KIAA0319: variants seen among roughly 807,000 people sequenced by gnomAD.
KIAA0319 encodes KIAA0319.
A neutral mutation model predicts 108.4 loss-of-function variants in KIAA0319; 83 were observed. The observed-to-expected ratio is 0.77, with a 90% CI of 0.64 to 0.92. The LOEUF (loss-of-function observed/expected upper bound fraction) is 0.92, where lower values mean the gene tolerates loss of function less well. Among genes scored for constraint, KIAA0319 ranks in the 40% least tolerant of loss-of-function variants. The pLI, the probability that KIAA0319 is intolerant of heterozygous loss-of-function variation, is 0.00. For synonymous variants in KIAA0319, 484 were observed against 510.4 expected (o/e 0.95, Z 0.70); for missense variants, 1,195 against 1,322.4 (o/e 0.90, Z 1.49).
chr6:24,608,478 G>C (rs1207884567), intron 1 of KIAA0319, among the ~76,000 whole-genome samples: 2 of 152,134 alleles, frequency 1.3e-5, no homozygotes, highest in East Asian at 3.9e-4. Flanking sequence ...TTTGAAAAAT[G>C]AGATAATTGA....
At chr6:24,604,784 T>C (rs1419533178) in intron 1 of KIAA0319, among the ~76,000 whole-genome samples, 3 of 152,178 alleles carry the variant, frequency 2.0e-5, no homozygotes, top group Non-Finnish European at 4.4e-5. Context: ...ATGGACTAGA[T>C]GTTATCAAAA....
intron 2 of KIAA0319, chr6:24,598,613 C>T (rs1316010121): frequency 4.0e-5 from 14 of 345,868 alleles, no homozygotes; most frequent in Non-Finnish European, 7.9e-5. Context: ...CGGTGGCTCA[C>T]ATCTGTAATC....
intron 20 of KIAA0319, among the ~76,000 whole-genome samples, chr6:24,548,032 C>T (rs767305728): frequency 1.1e-4 from 17 of 151,302 alleles, no homozygotes; most frequent in Admixed American, 3.3e-4. Context: ...GACCCTGTCT[C>T]GGGAAAAAAA....
At chr6:24,608,754 C>A (rs1224369730) in intron 1 of KIAA0319, among the ~76,000 whole-genome samples, 1 of 151,576 alleles carries the variant, frequency 6.6e-6, no homozygotes, top group Non-Finnish European at 1.5e-5. Context: ...CACGGTGAAA[C>A]CCCGTCTCTA....
At chr6:24,590,631 T>C (rs539404738) in intron 3 of KIAA0319, among the ~76,000 whole-genome samples, 3 of 152,310 alleles carry the variant, frequency 2.0e-5, no homozygotes, top group Admixed American at 2.0e-4. Context: ...GAAAAATTAT[T>C]GCCAAGTTGA....
intron 11 of KIAA0319, 29 bp from the exon 12 acceptor site, chr6:24,570,064 T>G (rs201228056): frequency 6.2e-6 from 10 of 1,608,008 alleles, no homozygotes; most frequent in Non-Finnish European, 7.7e-6. Flanking sequence ...TGTGAAAAAG[T>G]ATTATCTCTT....
chr6:24,551,601 G>T, intron 19 of KIAA0319, 76 bp from the exon 20 acceptor site: 1 of 981,746 alleles, frequency 1.0e-6, no homozygotes, highest in Non-Finnish European at 1.6e-6. Context: ...GCACAGTAAA[G>T]ACACTAAAGG....
chr6:24,574,712 G>A (rs554949329), intron 10 of KIAA0319, among the ~76,000 whole-genome samples: 21 of 152,090 alleles, frequency 1.4e-4, no homozygotes, highest in Admixed American at 1.2e-3. Context: ...AGGTTTTAAT[G>A]GAAAATTTAA....
At chr6:24,600,767 A>G (rs919705626) in intron 2 of KIAA0319, 1 of 952,236 alleles carries the variant, frequency 1.1e-6, no homozygotes, top group African/African-American at 1.7e-5. Flanking sequence ...TTCCAGCCAG[A>G]TCTAGTATGC....
rs1276841777 is a variant in KIAA0319 at position 24,601,089 on chromosome 6, T to C, written c.15A>G (p.Thr5=). Residue 5 remains threonine (T), a synonymous_variant, in exon 2 of 21, where the codon ACA becomes ACG. Transcript: ENST00000378214. MAPP[T]GVLSSLLLLV... Reference sequence around the variant, plus strand: ...GCAGCAGCAATGAAGAGAGCACACCTGTGGGGGGCGCCATTGTGCACCACA... The same window carrying C: ...GCAGCAGCAATGAAGAGAGCACACCCGTGGGGGGCGCCATTGTGCACCACA... 1 of 1,614,104 alleles carries C rather than the reference T, an allele frequency of 6.2e-7. No homozygotes were observed. Among genetic ancestry groups the C allele is most frequent in the Non-Finnish European group, 8.5e-7 (1 of 1,180,006 alleles).
At chr6:24,578,356 C>T (rs772364510) in intron 8 of KIAA0319, 114 bp from the exon 9 acceptor site, 153 of 758,214 alleles carry the variant, frequency 2.0e-4, no homozygotes, top group Non-Finnish European at 3.0e-4. Context: ...ATGTACTTGC[C>T]TAGATCTCAA....
At chr6:24,561,507 G>A (rs71555152) in intron 16 of KIAA0319, among the ~76,000 whole-genome samples, 6 of 152,104 alleles carry the variant, frequency 3.9e-5, no homozygotes, top group Non-Finnish European at 7.4e-5. Context: ...GTTATCTAAT[G>A]TGTTGACATA....
intron 1 of KIAA0319, among the ~76,000 whole-genome samples, chr6:24,614,205 CAT>C (rs1336025105): frequency 1.3e-5 from 2 of 152,336 alleles, no homozygotes; most frequent in Admixed American, 1.3e-4. Flanking sequence ...CAATTCCTGA[CAT>C]ATGCCAGGAC....
At chr6:24,540,454 G>T (rs946946362), downstream of KIAA0319, among the ~76,000 whole-genome samples, 1 of 152,142 alleles carries the variant, frequency 6.6e-6, no homozygotes, top group African/African-American at 2.4e-5. Flanking sequence ...AGGCATGACC[G>T]TATAAGCCTA....
At position 24,588,785 on chromosome 6, in the gene KIAA0319, C is replaced by T; in HGVS notation, c.802G>A (p.Val268Ile). ...GGAAGACTATGGGAAGGCATTAGAACCTACGAGATCAATTACAAGGATAAA... is the reference window on the plus strand; with the variant it reads ...GGAAGACTATGGGAAGGCATTAGAATCTACGAGATCAATTACAAGGATAAA... ...EQSSNSSGKE[V>I]LMPSHSLPPA... The change falls in exon 4 of 21, where the codon GTT (valine) becomes ATT (isoleucine). Residue 268 changes from valine to isoleucine, a missense_variant and splice_region_variant. Transcript: ENST00000378214. The T allele has an allele frequency of 3.1e-6, 5 of 1,610,984 alleles. No homozygotes were observed. The highest frequency in any genetic ancestry group is 4.2e-6 in the Non-Finnish European group (5 of 1,178,380).
At position 24,595,865 on chromosome 6, in the gene KIAA0319, A is replaced by G. The variant is rs758794126; in HGVS notation, c.801+8T>C. The G allele has an allele frequency of 1.3e-5, 20 of 1,583,914 alleles. 2 individuals carry two copies. The South Asian group carries it at 2.4e-4, about 19-fold the overall frequency. ...TCCCACCCCCAAGCACATCCTGAAC[A>G]CACTCACCTCTTTTCCAGAGCTGTT... is the stretch of plus-strand genomic sequence containing the variant. On this transcript the variant is annotated splice_region_variant and intron_variant, in intron 3 of 20. Coordinates refer to ENST00000378214, the MANE Select transcript of KIAA0319 (RefSeq NM_014809.4).
intron 1 of KIAA0319, among the ~76,000 whole-genome samples, chr6:24,645,124 T>C (rs933948259): frequency 6.6e-6 from 1 of 152,228 alleles, no homozygotes; most frequent in Non-Finnish European, 1.5e-5. Flanking sequence ...TACAATTTAT[T>C]TTTTCTGTTA....
At chr6:24,644,806 T>C (rs922516199) in intron 1 of KIAA0319, among the ~76,000 whole-genome samples, 2 of 152,192 alleles carry the variant, frequency 1.3e-5, no homozygotes, top group Non-Finnish European at 2.9e-5. Flanking sequence ...TTAATACAAA[T>C]AAATCAGAGT....
chr6:24,540,311 T>C (rs2744604), downstream of KIAA0319, among the ~76,000 whole-genome samples: 99,810 of 152,106 alleles, frequency 0.66, 33,320 homozygotes, highest in Middle Eastern at 0.7. Context: ...ACAAACATGA[T>C]TAATGCATTG....
Sources: allele counts gnomAD v4.1 joint callset (sites outside exome capture counted in the v4.1 genomes callset), GRCh38; gene constraint gnomAD v4.1.1; transcripts MANE v1.5; gene names NCBI Gene and HGNC (gene_info 2026-07-23, HGNC 2026-07-21).